COL5A1: variants seen among roughly 807,000 people sequenced by gnomAD.
The protein encoded by COL5A1 is collagen alpha-1(V) chain.
In COL5A1, 16 loss-of-function variants were observed where a neutral mutation model predicts 263.7. The ratio of observed to expected loss-of-function variants is 0.06; its 90% CI spans 0.04 to 0.09. The LOEUF is 0.09. Among genes scored for constraint, COL5A1 ranks in the 10% least tolerant of loss-of-function variants. The probability of loss-of-function intolerance (pLI) is 1.00; values close to 1 mark genes in which losing one functional copy is unlikely to be tolerated. For synonymous variants in COL5A1, 1,012 were observed against 1,004.5 expected, an observed-to-expected ratio of 1.01 and a Z score of -0.14; for missense variants, 2,036 against 2,540.5, an observed-to-expected ratio of 0.80 and a Z score of 4.27.
rs543885693 is a variant in COL5A1 at position 134,835,291 on chromosome 9, G to A, written c.5370+87G>A. ...TCAGCACGGGTTTACCTGTCCCCAA[G>A]ATGCCTGCCAGAGGGCAGTGAGGGC... On this transcript the variant is annotated intron_variant, in intron 65 of 65. Transcript: ENST00000371817. 14 of 1,250,706 alleles carry A rather than the reference G, an allele frequency of 1.1e-5. No homozygotes were observed. The Admixed American group carries it at 2.7e-4, about 24-fold the overall frequency. The allele number at this position is 1,250,706 out of a possible 1,614,324, so 77.5% of individuals were successfully genotyped here.
At chr9:134,784,249 T>C (rs1293780863) in intron 29 of COL5A1, among the ~76,000 whole-genome samples, 1 of 152,256 alleles carries the variant, frequency 6.6e-6, no homozygotes, top group African/African-American at 2.4e-5. Flanking sequence ...TTTTTCTCTA[T>C]CTGAGCAATA....
At chr9:134,657,639 TA>T (rs145688704) in intron 1 of COL5A1, among the ~76,000 whole-genome samples, 24,765 of 57,994 alleles carry the variant, frequency 0.43, 3,490 homozygotes, top group African/African-American at 0.5. Flanking sequence ...GGGGGTGGGG[TA>T]GGGGGTGCAG....
chr9:134,703,828 A>G (rs1346912339), intron 4 of COL5A1, among the ~76,000 whole-genome samples: 1 of 151,328 alleles, frequency 6.6e-6, no homozygotes. Flanking sequence ...TTTAGTAGAG[A>G]TGGGGTTTCA....
At chr9:134,797,047 C>A in intron 36 of COL5A1, 146 bp downstream of exon 36, 1 of 919,222 alleles carries the variant, frequency 1.1e-6, no homozygotes. Flanking sequence ...AGGTGAAATT[C>A]TGGCTGGTCA....
rs377025263 is a variant in COL5A1 at position 134,663,441 on chromosome 9, G to A, written c.109+21145G>A. ...TCTGCTGGGGAGGTGCAAGGAGGCC[G>A]CCCTGGCCAACCTGGCAGGGCTGGG... On this transcript the variant is annotated intron_variant, in intron 1 of 65. Coordinates refer to ENST00000371817, the MANE Select transcript of COL5A1 (RefSeq NM_000093.5). Among the ~76,000 whole-genome samples, 344 of 152,336 alleles carry A rather than the reference G, an allele frequency of 2.3e-3. 13 individuals carry two copies. In the South Asian group the frequency reaches 0.066, roughly 29 times the overall value.
intron 65 of COL5A1, among the ~76,000 whole-genome samples, chr9:134,835,937 G>C (rs1564188609): frequency 6.6e-6 from 1 of 152,200 alleles, no homozygotes; most frequent in Non-Finnish European, 1.5e-5. Flanking sequence ...TGCCCCAAGA[G>C]CCCAGGCCTG....
intron 61 of COL5A1, 125 bp downstream of exon 61, chr9:134,823,594 C>T: frequency 9.9e-7 from 1 of 1,007,632 alleles, no homozygotes. Flanking sequence ...CATGCCCGGG[C>T]CTTGTCCCTC....
rs574436738 is a variant in COL5A1 at position 134,686,519 on chromosome 9, T to C, written c.110-4393T>C. Among the ~76,000 whole-genome samples, 1 of 152,336 alleles carries C rather than the reference T, an allele frequency of 6.6e-6. No homozygotes were observed. Among genetic ancestry groups the C allele is most frequent in the East Asian group, 1.9e-4 (1 of 5,176 alleles). Reference sequence around the variant, plus strand: ...TGCCTGCCTCGGCCTCCCAAAGTGCTGGGATTCCAGTCCTGAGCCACCGCG... The same window carrying C: ...TGCCTGCCTCGGCCTCCCAAAGTGCCGGGATTCCAGTCCTGAGCCACCGCG... On this transcript the variant is annotated intron_variant, in intron 1 of 65. Coordinates refer to ENST00000371817, the MANE Select transcript of COL5A1 (RefSeq NM_000093.5). This position sits in a 1 kb window ranked among gnomAD's most constrained non-coding sequence, Gnocchi z 4.6.
At chr9:134,711,485 G>C (rs938166023) in intron 4 of COL5A1, among the ~76,000 whole-genome samples, 3 of 152,134 alleles carry the variant, frequency 2.0e-5, no homozygotes, top group Admixed American at 2.0e-4. Flanking sequence ...GGGCTGCTCT[G>C]TTCTACCACT....
rs556809776 is a variant in COL5A1, at chr9:134,692,392, C to T, written c.277+1313C>T. 1.1e-4 allele frequency among the ~76,000 whole-genome samples: 17 copies of T among 152,280 alleles called. No homozygotes were observed. The South Asian group carries it at 3.3e-3, about 30-fold the overall frequency. ...AGGCCTCTGGAGGAGCGTTCATAAG[C>T]TTCTGGGAGAGCATCTCTTTTGGAA... On this transcript the variant is annotated intron_variant, in intron 2 of 65. Coordinates refer to ENST00000371817, the MANE Select transcript of COL5A1 (RefSeq NM_000093.5).
At chr9:134,656,840 G>A (rs1831989387) in intron 1 of COL5A1, among the ~76,000 whole-genome samples, 1 of 148,318 alleles carries the variant, frequency 6.7e-6, no homozygotes, top group Admixed American at 6.7e-5. Flanking sequence ...ATGCTAAATG[G>A]TTGGCACAAA....
chr9:134,780,335 G>C (rs576493314), intron 28 of COL5A1, among the ~76,000 whole-genome samples, 189 bp downstream of exon 28: 1 of 152,182 alleles, frequency 6.6e-6, no homozygotes, highest in East Asian at 1.9e-4. Context: ...GTAAGTTGAG[G>C]ATAGGCCCTC....
At chr9:134,649,394 C>A in intron 1 of COL5A1, 1 of 423,924 alleles carries the variant, frequency 2.4e-6, no homozygotes, top group East Asian at 7.2e-5. Flanking sequence ...CCACTTTTCT[C>A]AAAATTTAAT....
intron 11 of COL5A1, among the ~76,000 whole-genome samples, chr9:134,740,065 C>T (rs527257365): frequency 7.9e-5 from 12 of 152,302 alleles, no homozygotes; most frequent in South Asian, 4.1e-4. Context: ...CCAGAAGAGG[C>T]GGGTCTTGCT....
chr9:134,762,881 G>A (rs1188700571), intron 19 of COL5A1, among the ~76,000 whole-genome samples: 3 of 152,156 alleles, frequency 2.0e-5, no homozygotes, highest in African/African-American at 7.2e-5. Context: ...GTGTGTGTGT[G>A]TGTGTGTATG....
intron 18 of COL5A1, 75 bp from the exon 19 acceptor site, chr9:134,761,850 A>G (rs1187849278): frequency 1.4e-6 from 2 of 1,454,032 alleles, no homozygotes; most frequent in African/African-American, 2.8e-5. Context: ...AATTAGAGAA[A>G]AACAAAGTGG....
chr9:134,822,899 G>A, intron 59 of COL5A1, 99 bp from the exon 60 acceptor site: 1 of 1,327,988 alleles, frequency 7.5e-7, no homozygotes, highest in Non-Finnish European at 1.1e-6. Flanking sequence ...GCGGGTGGGA[G>A]AGGGGCGAGG....
At chr9:134,761,816 A>G in intron 18 of COL5A1, 109 bp from the exon 19 acceptor site, 1 of 1,119,560 alleles carries the variant, frequency 8.9e-7, no homozygotes, top group South Asian at 1.2e-5. Flanking sequence ...GGGTCTTTTG[A>G]GAGCTTGGGA....
intron 28 of COL5A1, among the ~76,000 whole-genome samples, chr9:134,780,759 A>G (rs1837221539): frequency 6.6e-6 from 1 of 152,230 alleles, no homozygotes; most frequent in Non-Finnish European, 1.5e-5. Context: ...AGCCTGAGCC[A>G]CATGGAGCTG....
Sources: allele counts gnomAD v4.1 joint callset (sites outside exome capture counted in the v4.1 genomes callset), GRCh38; gene constraint gnomAD v4.1.1; non-coding constraint Gnocchi (gnomAD v3.1); transcripts MANE v1.5; gene names NCBI Gene and HGNC (gene_info 2026-07-23, HGNC 2026-07-21).